The following RNF17 variants were observed in gnomAD, a reference collection of about 807,000 sequenced individuals.
RNF17 encodes ring finger protein 17.
In RNF17, 31 loss-of-function variants were observed where a neutral mutation model predicts 200.5. The observed-to-expected ratio is 0.15, with a 90% CI of 0.12 to 0.21. The LOEUF (loss-of-function observed/expected upper bound fraction) is 0.21, where lower values mean the gene tolerates loss of function less well. Among genes scored for constraint, RNF17 ranks in the 10% least tolerant of loss-of-function variants. The pLI is 1.00. For synonymous variants in RNF17, 606 were observed against 637.8 expected (o/e 0.95, Z 0.75); for missense variants, 1,628 against 1,905.1 (o/e 0.85, Z 2.71).
intron 18 of RNF17, among the ~76,000 whole-genome samples, chr13:24,834,917 T>G (rs1003447280): frequency 1.3e-5 from 2 of 152,170 alleles, no homozygotes; most frequent in Non-Finnish European, 2.9e-5. Flanking sequence ...GGGAGGCAGA[T>G]AGCCTGGGGC....
At chr13:24,763,144 A>G (rs887451628), upstream of RNF17, among the ~76,000 whole-genome samples, 2 of 151,710 alleles carry the variant, frequency 1.3e-5, no homozygotes, top group East Asian at 1.9e-4. Flanking sequence ...ACCGTAGACC[A>G]TATTGACTTC....
the RNF17 span, among the ~76,000 whole-genome samples, chr13:24,887,802 A>C: frequency 6.6e-6 from 1 of 152,182 alleles, no homozygotes; most frequent in African/African-American, 2.4e-5. Context: ...AAGGTTGGGG[A>C]CTGCTAAGGT....
At chr13:24,824,308 G>T in intron 15 of RNF17, 1 of 651,874 alleles carries the variant, frequency 1.5e-6, no homozygotes, top group Non-Finnish European at 2.8e-6. Flanking sequence ...TTCCTCTGCT[G>T]AATTTTTAAA....
At chr13:24,806,818 T>A (rs1265297230) in intron 15 of RNF17, among the ~76,000 whole-genome samples, 1 of 117,362 alleles carries the variant, frequency 8.5e-6, no homozygotes, top group Non-Finnish European at 1.6e-5. Context: ...CCCAAAACAG[T>A]CCCCAGAGTG....
chr13:24,875,701 C>G (rs1894786947), intron 33 of RNF17, among the ~76,000 whole-genome samples: 1 of 152,158 alleles, frequency 6.6e-6, no homozygotes. Flanking sequence ...CCAGTGTGAT[C>G]CTAAAGGCAG....
At chr13:24,767,952 A>C (rs1013344665) in intron 2 of RNF17, among the ~76,000 whole-genome samples, 1 of 152,056 alleles carries the variant, frequency 6.6e-6, no homozygotes, top group African/African-American at 2.4e-5. Flanking sequence ...TCTTTTGTTT[A>C]TTTTAATGGT....
intron 1 of RNF17, among the ~76,000 whole-genome samples, chr13:24,764,802 GT>G (rs949752671): frequency 6.6e-6 from 1 of 151,856 alleles, no homozygotes; most frequent in African/African-American, 2.4e-5. Context: ...TTCTGTGGGG[GT>G]TTTTTTGTTT....
intron 25 of RNF17, among the ~76,000 whole-genome samples, chr13:24,856,370 A>G (rs564207034): frequency 4.7e-5 from 7 of 150,484 alleles, no homozygotes; most frequent in South Asian, 2.1e-4. Context: ...CCGTGAGCCA[A>G]GATTGCGCCA....
chr13:24,838,573 TC>T (rs1890265105), intron 18 of RNF17, among the ~76,000 whole-genome samples: 1 of 151,564 alleles, frequency 6.6e-6, no homozygotes, highest in Admixed American at 6.6e-5. Context: ...GAATAAAAAA[TC>T]ACATGATCTC....
the RNF17 span, among the ~76,000 whole-genome samples, chr13:24,757,916 C>T: frequency 4.6e-5 from 7 of 152,088 alleles, no homozygotes; most frequent in African/African-American, 9.7e-5. Context: ...GGGTCTGGTG[C>T]AGGTGATTGG....
At chr13:24,748,759 T>TG in the RNF17 span, among the ~76,000 whole-genome samples, 520 of 151,804 alleles carry the variant, frequency 3.4e-3, 8 homozygotes, top group African/African-American at 0.011. Flanking sequence ...TTTTGTTTTT[T>TG]TTTTGAGACA....
downstream of RNF17, among the ~76,000 whole-genome samples, chr13:24,881,918 CTATA>C (rs1192828358): frequency 7.4e-4 from 80 of 107,870 alleles, no homozygotes; most frequent in African/African-American, 2.2e-3. Flanking sequence ...ATAGATACAT[CTATA>C]TAGATATATA....
intron 25 of RNF17, among the ~76,000 whole-genome samples, chr13:24,854,541 A>G (rs1892264912): frequency 1.3e-5 from 2 of 152,118 alleles, no homozygotes; most frequent in Admixed American, 1.3e-4. Context: ...ACAAACTGAA[A>G]TCACACACTG....
intron 11 of RNF17, among the ~76,000 whole-genome samples, chr13:24,798,013 C>T (rs1959675212): frequency 1.3e-5 from 2 of 152,122 alleles, no homozygotes; most frequent in Non-Finnish European, 2.9e-5. Flanking sequence ...TTACAATTCT[C>T]ACTTTGCAAG....
the RNF17 span, among the ~76,000 whole-genome samples, chr13:24,748,690 T>G: frequency 6.6e-6 from 1 of 152,172 alleles, no homozygotes; most frequent in Non-Finnish European, 1.5e-5. Flanking sequence ...AAGGGTTTAT[T>G]CCTCATAAGT....
intron 16 of RNF17, among the ~76,000 whole-genome samples, chr13:24,827,074 G>A (rs1291094857): frequency 1.3e-5 from 2 of 150,870 alleles, no homozygotes; most frequent in Non-Finnish European, 3.0e-5. Flanking sequence ...AAAAAAAAAA[G>A]AGAAGTCACC....
At chr13:24,827,138 G>A (rs555920870) in intron 16 of RNF17, among the ~76,000 whole-genome samples, 64 of 151,902 alleles carry the variant, frequency 4.2e-4, no homozygotes, top group Non-Finnish European at 7.8e-4. Flanking sequence ...CGCCATGTTG[G>A]TCAGGCTGGT....
intron 4 of RNF17, among the ~76,000 whole-genome samples, chr13:24,779,351 T>G (rs895249326): frequency 3.3e-5 from 5 of 152,226 alleles, no homozygotes; most frequent in African/African-American, 1.2e-4. Context: ...TATGTATACA[T>G]GTATTGCCAT....
At chr13:24,847,668 T>A (rs1891411523) in intron 22 of RNF17, among the ~76,000 whole-genome samples, 1 of 151,956 alleles carries the variant, frequency 6.6e-6, no homozygotes, top group Non-Finnish European at 1.5e-5. Flanking sequence ...TATAATAGGA[T>A]AGCTTCTTTT....
Sources: gnomAD v4.1 joint callset for allele counts (sites outside exome capture counted in the v4.1 genomes callset) on GRCh38, gnomAD v4.1.1 for gene constraint, MANE v1.5 for transcripts, NCBI Gene and HGNC (gene_info 2026-07-23, HGNC 2026-07-21) for gene names.